DLC1: variants seen among roughly 807,000 people sequenced by gnomAD.
DLC1 encodes the protein DLC1 Rho GTPase activating protein.
DLC1 carries 54 observed loss-of-function variants against 140.3 expected under a neutral mutation model. That is an observed-to-expected ratio of 0.38 (90% confidence interval 0.31 to 0.48). The LOEUF is 0.48. Ranked by LOEUF, DLC1 falls within the 20% of genes least tolerant of loss-of-function variation. DLC1 has a pLI of 0.96. For synonymous variants in DLC1, 986 were observed against 728.1 expected, an observed-to-expected ratio of 1.35 and a Z score of -5.70; for missense variants, 2,536 against 1,907.0, an observed-to-expected ratio of 1.33 and a Z score of -6.14.
intron 2 of DLC1, among the ~76,000 whole-genome samples, chr8:13,422,124 C>T (rs1280218400): frequency 6.6e-6 from 1 of 152,016 alleles, no homozygotes. Context: ...ATTAAACAGA[C>T]TTTTAAAATG....
At chr8:13,399,038 G>A (rs1360218854) in intron 3 of DLC1, among the ~76,000 whole-genome samples, 2 of 152,156 alleles carry the variant, frequency 1.3e-5, no homozygotes, top group African/African-American at 2.4e-5. Flanking sequence ...AAAAGATACT[G>A]CAGAACAGCA....
chr8:13,366,477 T>G (rs1448675711), intron 4 of DLC1, among the ~76,000 whole-genome samples: 1 of 152,162 alleles, frequency 6.6e-6, no homozygotes, highest in African/African-American at 2.4e-5. Flanking sequence ...TGAGTGATAT[T>G]CTAGCCTTTG....
At position 13,100,751 on chromosome 8, in the gene DLC1, T is replaced by C. The variant is rs1417191034; in HGVS notation, c.1586A>G (p.Asp529Gly). ...HRKRSDDSDEDEPCAISGKWT... is the reference protein window; with the variant it reads ...HRKRSDDSDEGEPCAISGKWT... ...TTTGCCACTGATGGCACAAGGCTCA[T>C]CCTCGTCTGAATCGTCACTCTGCAA... The change falls in exon 9 of 18, where the codon GAT becomes GGT. Residue 529 changes from aspartate (D) to glycine (G), a missense_variant. By Grantham distance (94) the Asp-to-Gly change is moderately conservative. Coordinates refer to ENST00000276297, the MANE Select transcript of DLC1 (RefSeq NM_182643.3). The C allele has an allele frequency of 8.2e-6, 13 of 1,576,946 alleles. No individual in the cohort carries two copies. Among genetic ancestry groups the C allele is most frequent in the Non-Finnish European group, 1.1e-5 (13 of 1,162,714 alleles).
chr8:13,492,465 A>T (rs1801298656), intron 2 of DLC1, among the ~76,000 whole-genome samples: 1 of 49,786 alleles, frequency 2.0e-5, no homozygotes, highest in Admixed American at 1.5e-4. Context: ...ATCCTATTTT[A>T]GCCTGTCCTT....
intron 1 of DLC1, among the ~76,000 whole-genome samples, chr8:13,589,412 C>G (rs908127695): frequency 5.3e-5 from 8 of 152,060 alleles, no homozygotes; most frequent in Non-Finnish European, 1.0e-4. Context: ...TTCTAGTAGA[C>G]CTTTCTGACA....
At chr8:13,429,319 T>C (rs544193048) in intron 2 of DLC1, among the ~76,000 whole-genome samples, 1 of 152,196 alleles carries the variant, frequency 6.6e-6, no homozygotes, top group Non-Finnish European at 1.5e-5. Flanking sequence ...TGTAGAGCAG[T>C]GATTTAAAAT....
intron 5 of DLC1, among the ~76,000 whole-genome samples, chr8:13,142,146 C>T (rs1279318247): frequency 6.6e-6 from 1 of 152,224 alleles, no homozygotes; most frequent in Admixed American, 6.5e-5. Flanking sequence ...GCTTCAGCTT[C>T]CGCCATGATT....
intron 4 of DLC1, among the ~76,000 whole-genome samples, chr8:13,317,019 T>G (rs899560002): frequency 6.6e-6 from 1 of 152,182 alleles, no homozygotes; most frequent in Non-Finnish European, 1.5e-5. Context: ...ATGTGAGACA[T>G]GGACTGTAAT....
chr8:13,344,629 A>G (rs1671339), intron 4 of DLC1, among the ~76,000 whole-genome samples: 39,290 of 152,140 alleles, frequency 0.26, 5,297 homozygotes, highest in Admixed American at 0.28. Flanking sequence ...GTTCTCTAAA[A>G]AGGCTGGTAG....
intron 1 of DLC1, among the ~76,000 whole-genome samples, chr8:13,555,865 A>G (rs1804028648): frequency 6.6e-6 from 1 of 151,948 alleles, no homozygotes; most frequent in Non-Finnish European, 1.5e-5. Context: ...TTTGTTACAT[A>G]TTAATGGTGC....
chr8:13,248,445 C>A (rs1273176443), intron 5 of DLC1, among the ~76,000 whole-genome samples: 1 of 152,206 alleles, frequency 6.6e-6, no homozygotes, highest in Non-Finnish European at 1.5e-5. Context: ...ATTCTCCCAA[C>A]TCTTTTGAAG....
chr8:13,445,282 C>G (rs1798726204), intron 2 of DLC1, among the ~76,000 whole-genome samples: 1 of 152,126 alleles, frequency 6.6e-6, no homozygotes, highest in South Asian at 2.1e-4. Context: ...CATCTTTAAC[C>G]AGGGAACAGA....
chr8:13,457,561 G>C (rs28655169), intron 2 of DLC1, among the ~76,000 whole-genome samples: 28,772 of 150,648 alleles, frequency 0.19, 4,376 homozygotes, highest in African/African-American at 0.42. Flanking sequence ...CCTGTAGCCC[G>C]AGCTACTCGG....
chr8:13,307,427 G>T (rs1832492241), intron 4 of DLC1, among the ~76,000 whole-genome samples: 1 of 152,140 alleles, frequency 6.6e-6, no homozygotes, highest in Non-Finnish European at 1.5e-5. Context: ...TCTTTTACAA[G>T]TGATCCTACA....
chr8:13,307,327 T>A (rs1832485875), intron 4 of DLC1, among the ~76,000 whole-genome samples: 2 of 152,202 alleles, frequency 1.3e-5, no homozygotes, highest in Admixed American at 1.3e-4. Flanking sequence ...CAGCATTTCC[T>A]GGGCATTCTT....
intron 5 of DLC1, among the ~76,000 whole-genome samples, chr8:13,208,136 T>A (rs1827764702): frequency 6.6e-6 from 1 of 152,224 alleles, no homozygotes; most frequent in Non-Finnish European, 1.5e-5. Flanking sequence ...CACATGTATA[T>A]ATCTTTAAGG....
intron 4 of DLC1, among the ~76,000 whole-genome samples, chr8:13,347,041 C>T (rs997665351): frequency 2.6e-5 from 4 of 152,194 alleles, no homozygotes; most frequent in Admixed American, 6.5e-5. Flanking sequence ...TAATCTCTTG[C>T]TGTGCCTAAT....
At chr8:13,109,988 T>C (rs952241217) in intron 7 of DLC1, among the ~76,000 whole-genome samples, 14 of 152,230 alleles carry the variant, frequency 9.2e-5, no homozygotes, top group Admixed American at 4.6e-4. Context: ...ATGTGAGTTT[T>C]GTCTGTGTAT....
intron 4 of DLC1, among the ~76,000 whole-genome samples, chr8:13,358,493 G>A (rs1835053778): frequency 6.6e-6 from 1 of 152,136 alleles, no homozygotes; most frequent in Non-Finnish European, 1.5e-5. Context: ...CTGCATAGGC[G>A]ATTATTAATT....
Sources: allele counts gnomAD v4.1 joint callset (sites outside exome capture counted in the v4.1 genomes callset), GRCh38; gene constraint gnomAD v4.1.1; transcripts MANE v1.5; gene names NCBI Gene and HGNC (gene_info 2026-07-23, HGNC 2026-07-21).